CAST: variants seen among roughly 807,000 people sequenced by gnomAD.
CAST encodes the protein calpastatin, also known as MIR583 host.
Under a neutral mutation model 119.6 loss-of-function variants are expected in CAST, and 76 were observed. The ratio of observed to expected loss-of-function variants is 0.64; its 90% CI spans 0.53 to 0.77. The LOEUF is 0.77. CAST is among the 30% of genes least tolerant of loss of function. The pLI, the probability that CAST is intolerant of heterozygous loss-of-function variation, is 0.00. For synonymous variants in CAST, 319 were observed against 331.6 expected, an observed-to-expected ratio of 0.96 and a Z score of 0.41; for missense variants, 953 against 946.5, an observed-to-expected ratio of 1.01 and a Z score of -0.09.
chr5:96,665,884 A>C (rs1355716816), intron 1 of CAST, among the ~76,000 whole-genome samples: 2 of 151,832 alleles, frequency 1.3e-5, no homozygotes, highest in Non-Finnish European at 2.9e-5. Context: ...ATGTATCTAC[A>C]GATATAAATA....
chr5:96,226,457 C>A, the CAST span, among the ~76,000 whole-genome samples: 4 of 152,090 alleles, frequency 2.6e-5, no homozygotes, highest in South Asian at 6.2e-4. Context: ...TCGAGACCGG[C>A]CTGGGCAACA....
chr5:96,286,653 A>G, the CAST span, among the ~76,000 whole-genome samples: 1 of 152,140 alleles, frequency 6.6e-6, no homozygotes, highest in South Asian at 2.1e-4. Flanking sequence ...TGAAGTGGGG[A>G]AGACTGTTGC....
the CAST span, among the ~76,000 whole-genome samples, chr5:96,380,309 C>T: frequency 4.6e-5 from 7 of 152,076 alleles, no homozygotes; most frequent in African/African-American, 1.7e-4. Flanking sequence ...ATTAAAAATA[C>T]TCTTGGTGAA....
chr5:96,350,338 C>T, the CAST span, among the ~76,000 whole-genome samples: 1 of 152,116 alleles, frequency 6.6e-6, no homozygotes, highest in African/African-American at 2.4e-5. Context: ...GGAATAGTCA[C>T]TTATGCCTTC....
the CAST span, among the ~76,000 whole-genome samples, chr5:96,317,476 C>CAAAAAAAAA: frequency 5.9e-5 from 3 of 50,578 alleles, no homozygotes; most frequent in Admixed American, 2.9e-4. Flanking sequence ...GACTCCATCT[C>CAAAAAAAAA]AAAAAAAAAA....
the CAST span, among the ~76,000 whole-genome samples, chr5:96,496,345 A>G: frequency 6.6e-5 from 10 of 152,282 alleles, no homozygotes; most frequent in East Asian, 1.9e-3. Context: ...GGGTAGTTGG[A>G]AAAACTTTTC....
At chr5:96,195,048 C>T in the CAST span, among the ~76,000 whole-genome samples, 4 of 152,218 alleles carry the variant, frequency 2.6e-5, no homozygotes, top group East Asian at 1.9e-4. Flanking sequence ...TATTAATACA[C>T]GAGAGGCTTT....
chr5:96,150,676 A>G, the CAST span, among the ~76,000 whole-genome samples: 2 of 152,296 alleles, frequency 1.3e-5, no homozygotes, highest in East Asian at 1.9e-4. Flanking sequence ...CAGCAACTTA[A>G]GAGGGAGAAA....
intron 1 of CAST, among the ~76,000 whole-genome samples, chr5:96,568,287 G>A (rs896834186): frequency 5.9e-5 from 9 of 152,064 alleles, no homozygotes; most frequent in Admixed American, 1.3e-4. Context: ...TCAGAAGGCC[G>A]GACACGGTGG....
chr5:95,984,318 T>C, the CAST span, among the ~76,000 whole-genome samples: 1 of 152,140 alleles, frequency 6.6e-6, no homozygotes, highest in African/African-American at 2.4e-5. Context: ...TAAAATTCAT[T>C]TACTTTAAAT....
the CAST span, among the ~76,000 whole-genome samples, chr5:96,315,240 A>G: frequency 6.6e-6 from 1 of 152,220 alleles, no homozygotes; most frequent in Non-Finnish European, 1.5e-5. Flanking sequence ...TGTCCCATGC[A>G]ATATTTGAGA....
chr5:96,637,349 G>A (rs1303220388), intron 1 of CAST, among the ~76,000 whole-genome samples: 1 of 152,136 alleles, frequency 6.6e-6, no homozygotes, highest in African/African-American at 2.4e-5. Context: ...CAACTCAGAG[G>A]TTTAGCCCCA....
chr5:96,407,815 A>T, the CAST span, among the ~76,000 whole-genome samples: 1 of 152,230 alleles, frequency 6.6e-6, no homozygotes, highest in African/African-American at 2.4e-5. Context: ...ACTTGTTCCT[A>T]ATACTGCCCA....
chr5:96,755,535 G>A (rs1370012473), intron 22 of CAST, among the ~76,000 whole-genome samples: 7 of 152,220 alleles, frequency 4.6e-5, no homozygotes, highest in Non-Finnish European at 7.3e-5. Context: ...TATGAGTCCT[G>A]TGGTTTAAGT....
chr5:96,433,623 G>T, the CAST span, among the ~76,000 whole-genome samples: 4 of 152,126 alleles, frequency 2.6e-5, no homozygotes, highest in African/African-American at 7.2e-5. Flanking sequence ...GAGGCTATAG[G>T]ATTCTTATAA....
At chr5:96,006,579 T>G in the CAST span, among the ~76,000 whole-genome samples, 1 of 152,132 alleles carries the variant, frequency 6.6e-6, no homozygotes, top group African/African-American at 2.4e-5. Context: ...TCTGCTGACT[T>G]CAGCTGAATG....
chr5:96,668,167 CACACA>C (rs1749585076), intron 1 of CAST, among the ~76,000 whole-genome samples: 1 of 152,192 alleles, frequency 6.6e-6, no homozygotes, highest in African/African-American at 2.4e-5. Context: ...CACACACACA[CACACA>C]CCCTTTCAAC....
chr5:96,032,041 C>A, the CAST span, among the ~76,000 whole-genome samples: 13 of 152,164 alleles, frequency 8.5e-5, no homozygotes, highest in Admixed American at 5.2e-4. Flanking sequence ...AGTGTCCCCA[C>A]CACATGGTAA....
chr5:96,257,453 C>A, the CAST span, among the ~76,000 whole-genome samples: 6 of 152,246 alleles, frequency 3.9e-5, no homozygotes, highest in East Asian at 1.2e-3. Flanking sequence ...TTAGATTATA[C>A]TGAATTGTTA....
Sources: gnomAD v4.1 joint callset for allele counts (sites outside exome capture counted in the v4.1 genomes callset) on GRCh38, gnomAD v4.1.1 for gene constraint, MANE v1.5 for transcripts, NCBI Gene and HGNC (gene_info 2026-07-23, HGNC 2026-07-21) for gene names.